The following GCLM variants were observed in gnomAD, a reference collection of about 807,000 sequenced individuals.
GCLM encodes the protein glutamate--cysteine ligase regulatory subunit.
In GCLM, 15 loss-of-function variants were observed where a neutral mutation model predicts 36.0. The ratio of observed to expected loss-of-function variants is 0.42; its 90% confidence interval spans 0.28 to 0.64. The LOEUF is 0.64. GCLM is among the 30% of genes least tolerant of loss of function. GCLM has a pLI of 0.25. For missense variants in GCLM, 242 were observed against 325.5 expected, an observed-to-expected ratio of 0.74 and a Z score of 1.97; for synonymous variants, 129 against 122.8, an observed-to-expected ratio of 1.05 and a Z score of -0.34.
chr1:93,902,634 A>G (rs1657001044), intron 2 of GCLM, among the ~76,000 whole-genome samples: 1 of 152,100 alleles, frequency 6.6e-6, no homozygotes, highest in Non-Finnish European at 1.5e-5. Context: ...AGTGGTATAC[A>G]TTTGTTACAC....
rs1255980990 is a variant in GCLM, at chr1:93,888,823, A to G, written c.*167T>C. On this transcript the variant is annotated 3_prime_UTR_variant, in exon 7 of 7. Transcript: ENST00000370238. ...CAGAGGTTCATGAGAATGGATTGAT[A>G]TGGAGGCAAGATAAGTATTTAAAAC... 2 of 448,240 alleles carry G rather than the reference A, an allele frequency of 4.5e-6. No homozygotes were observed. Among genetic ancestry groups the G allele is most frequent in the East Asian group, 6.9e-5 (2 of 29,152 alleles). The allele number at this position is 448,240 out of a possible 1,614,324, so 27.8% of individuals were successfully genotyped here. A position where few individuals can be genotyped will look rare whatever the true frequency, so the allele number is the denominator to read the frequency against.
In GCLM at chr1:93,909,113, G is replaced by C. The variant is rs1308287599; in HGVS notation, c.51C>G (p.Thr17=). 13 of 1,439,718 alleles carry C rather than the reference G, an allele frequency of 9.0e-6. No homozygotes were observed. Among genetic ancestry groups the C allele is most frequent in the Non-Finnish European group, 1.1e-5 (12 of 1,095,550 alleles). 89.2% of individuals were successfully genotyped at this position (1,439,718 alleles called of 1,614,324 possible). ...AAKALLARAR[T]LHLQTGNLLN... ...GCAGGTTCCCCGTCTGCAGGTGCAG[G>C]GTGCGGGCCCGCGCCAGGAGCGCCT... The change falls in exon 1 of 7, where the codon ACC becomes ACG. Residue 17 remains threonine (T), a synonymous_variant. Coordinates refer to ENST00000370238, the MANE Select transcript of GCLM (RefSeq NM_002061.4).
At chr1:93,894,304 C>T (rs1656640739) in intron 6 of GCLM, among the ~76,000 whole-genome samples, 1 of 151,632 alleles carries the variant, frequency 6.6e-6, no homozygotes, top group African/African-American at 2.4e-5. Flanking sequence ...CTTTGCTATA[C>T]TAGATAGGAT....
At chr1:93,904,314 T>C (rs1657068136) in intron 2 of GCLM, 6 of 534,884 alleles carry the variant, frequency 1.1e-5, no homozygotes, top group Non-Finnish European at 2.0e-5. Flanking sequence ...AATCCTAGTA[T>C]CTTGTCTGGT....
rs915063482 is a variant in GCLM, at chr1:93,888,735, T to C, written c.*255A>G. The C allele has an allele frequency of 3.7e-6, 1 of 273,370 alleles. No individual in the cohort carries two copies. The highest frequency in any genetic ancestry group is 6.7e-6 in the Non-Finnish European group (1 of 148,434). The allele number at this position is 273,370 out of a possible 1,614,324, so 16.9% of individuals were successfully genotyped here. ...TAGTCATAAAAATAAAGGAAAAATA[T>C]ATTGCAAGTATTTTCTTTATAGACA... On this transcript the variant is annotated 3_prime_UTR_variant, in exon 7 of 7. Coordinates refer to ENST00000370238, the MANE Select transcript of GCLM (RefSeq NM_002061.4).
chr1:93,897,533 C>T (rs533659638), intron 4 of GCLM, among the ~76,000 whole-genome samples: 7 of 148,664 alleles, frequency 4.7e-5, no homozygotes, highest in East Asian at 1.9e-4. Context: ...TTTTTTTTGC[C>T]GTTGTTTGGT....
At position 93,887,920 on chromosome 1, in the gene GCLM, G is replaced by T. The variant is rs947327082; in HGVS notation, c.*1070C>A. 6.6e-6 allele frequency: 1 copy of T among 152,088 alleles called. No homozygotes were observed. Among genetic ancestry groups the T allele is most frequent in the Admixed American group, 6.5e-5 (1 of 15,274 alleles). 9.4% of individuals were successfully genotyped at this position (152,088 alleles called of 1,614,324 possible). A position where few individuals can be genotyped will look rare whatever the true frequency, so the allele number is the denominator to read the frequency against. On this transcript the variant is annotated 3_prime_UTR_variant, in exon 7 of 7. Transcript: ENST00000370238. ...AAACTAATGAAGAATTATACTAAAT[G>T]ACCTATATAGTCTCTTTTAGCTATA...
At chr1:93,908,765 TGA>T in intron 1 of GCLM, 1 of 260,984 alleles carries the variant, frequency 3.8e-6, no homozygotes, top group Non-Finnish European at 7.3e-6. Context: ...CCAGGATGTT[TGA>T]GAGTTTTGCT....
chr1:93,889,069 C>T lies in GCLM; in HGVS notation c.746G>A (p.Arg249Gln), dbSNP rs752547563. Reference protein sequence around the residue: ...AHEWVPLWLLRYSVIVKSRGI... With the variant: ...AHEWVPLWLLQYSVIVKSRGI... Reference sequence around the variant, plus strand: ...TCTACTTTTCACAATGACCGAATACCGCAGTAGCCACAGCGGCACCCACTC... The same window carrying T: ...TCTACTTTTCACAATGACCGAATACTGCAGTAGCCACAGCGGCACCCACTC... The change falls in exon 7 of 7, where the codon CGG (arginine) becomes CAG (glutamine). Residue 249 changes from arginine (R) to glutamine (Q), a missense_variant. Coordinates refer to ENST00000370238, the MANE Select transcript of GCLM (RefSeq NM_002061.4). 12 of 1,601,806 alleles carry T rather than the reference C, an allele frequency of 7.5e-6. No homozygotes were observed. The highest frequency in any genetic ancestry group is 1.0e-5 in the Non-Finnish European group (12 of 1,174,176).
intron 6 of GCLM, among the ~76,000 whole-genome samples, chr1:93,893,218 G>A (rs1656597936): frequency 6.6e-6 from 1 of 152,112 alleles, no homozygotes; most frequent in Non-Finnish European, 1.5e-5. Context: ...AAGCCAGCTG[G>A]GTGACCTTGG....
In GCLM at chr1:93,889,129, G is replaced by T. The variant is rs764670670; in HGVS notation, c.686C>A (p.Ala229Asp). The T allele has an allele frequency of 6.3e-7, 1 of 1,580,290 alleles. No individual in the cohort carries two copies. Among genetic ancestry groups the T allele is most frequent in the African/African-American group, 1.4e-5 (1 of 73,178 alleles). ...AATGTCAGGAATGCTTTCCTGAAGA[G>T]CTTCTTGGAAACTTGCTTCAGAAAG... ...ELLSEASFQEALQESIPDIQA... is the reference protein window; with the variant it reads ...ELLSEASFQEDLQESIPDIQA... Residue 229 changes from alanine to aspartate, a missense_variant, in exon 7 of 7, where the codon GCT (alanine) becomes GAT (aspartate). Physicochemically the swap from Ala to Asp is moderately radical, Grantham distance 126. Transcript: ENST00000370238.
chr1:93,890,328 G>A (rs1001820971), intron 6 of GCLM, among the ~76,000 whole-genome samples: 10 of 152,066 alleles, frequency 6.6e-5, no homozygotes, highest in African/African-American at 2.4e-4. Context: ...TTAAAATGGT[G>A]GTTTGCATTA....
In GCLM at chr1:93,888,549, C is replaced by A. The variant is rs1391612915; in HGVS notation, c.*441G>T. ...TCATCAATGACAGGAAAAATATCTT[C>A]TTCCAGTATTTCAGTTTTAACAATT... On this transcript the variant is annotated 3_prime_UTR_variant, in exon 7 of 7. Coordinates refer to ENST00000370238, the MANE Select transcript of GCLM (RefSeq NM_002061.4). 2 of 152,546 alleles carry A rather than the reference C, an allele frequency of 1.3e-5. No homozygotes were observed. The highest frequency in any genetic ancestry group is 2.4e-5 in the African/African-American group (1 of 41,454). The allele number at this position is 152,546 out of a possible 1,614,324, so 9.4% of individuals were successfully genotyped here. A position where few individuals can be genotyped will look rare whatever the true frequency, so the allele number is the denominator to read the frequency against.
intron 3 of GCLM, among the ~76,000 whole-genome samples, chr1:93,898,890 C>A (rs1422326575): frequency 6.6e-6 from 1 of 152,070 alleles, no homozygotes; most frequent in Non-Finnish European, 1.5e-5. Flanking sequence ...GATTACAGCA[C>A]CACACCAGGC....
At chr1:93,905,452 C>T (rs1657113260) in intron 1 of GCLM, among the ~76,000 whole-genome samples, 3 of 152,124 alleles carry the variant, frequency 2.0e-5, no homozygotes, top group South Asian at 2.1e-4. Flanking sequence ...TTTTAACAAG[C>T]ATCCTAAGGA....
At chr1:93,907,657 G>A (rs1657193699) in intron 1 of GCLM, among the ~76,000 whole-genome samples, 2 of 152,166 alleles carry the variant, frequency 1.3e-5, no homozygotes, top group Admixed American at 1.3e-4. Flanking sequence ...GAAATTAAGA[G>A]TCTATGTACC....
At chr1:93,889,602 C>T (rs1272614652) in intron 6 of GCLM, among the ~76,000 whole-genome samples, 2 of 150,856 alleles carry the variant, frequency 1.3e-5, no homozygotes, top group African/African-American at 4.9e-5. Flanking sequence ...TATCTTCATC[C>T]ATATCTTGAA....
rs1657274966 is a variant in GCLM at position 93,909,322 on chromosome 1, C to A, written c.-159G>T. ...GGCTGGAGCCTGGTCTGCGCTCGGG[C>A]CCGAGGGAGGCCGGACGGCGGCTGG... On this transcript the variant is annotated 5_prime_UTR_variant, in exon 1 of 7. Coordinates refer to ENST00000370238, the MANE Select transcript of GCLM (RefSeq NM_002061.4). 7 of 1,037,556 alleles carry A rather than the reference C, an allele frequency of 6.7e-6. No homozygotes were observed. Among genetic ancestry groups the A allele is most frequent in the Non-Finnish European group, 8.1e-6 (7 of 865,426 alleles). 64.3% of individuals were successfully genotyped at this position (1,037,556 alleles called of 1,614,324 possible). A position where few individuals can be genotyped will look rare whatever the true frequency, so the allele number is the denominator to read the frequency against.
chr1:93,901,028 T>C (rs1440598980), intron 3 of GCLM, among the ~76,000 whole-genome samples: 1 of 152,244 alleles, frequency 6.6e-6, no homozygotes, highest in African/African-American at 2.4e-5. Flanking sequence ...TTAATGACTA[T>C]GCTATGCTAA....
Sources: gnomAD v4.1 joint callset for allele counts (sites outside exome capture counted in the v4.1 genomes callset) on GRCh38, gnomAD v4.1.1 for gene constraint, MANE v1.5 for transcripts, NCBI Gene and HGNC (gene_info 2026-07-23, HGNC 2026-07-21) for gene names.